The following SLC16A10 variants were observed in gnomAD, a reference collection of about 807,000 sequenced individuals.
The protein encoded by SLC16A10 is solute carrier family 16 member 10.
Under a neutral mutation model 40.0 loss-of-function variants are expected in SLC16A10, and 27 were observed. That is an observed-to-expected ratio of 0.67 (90% CI 0.50 to 0.93). The LOEUF (loss-of-function observed/expected upper bound fraction) is 0.93, where lower values mean the gene tolerates loss of function less well. Ranked by LOEUF, SLC16A10 falls within the 40% of genes least tolerant of loss-of-function variation. SLC16A10 has a pLI of 0.00. For missense variants in SLC16A10, 529 were observed against 658.2 expected (o/e 0.80, Z 2.15); for synonymous variants, 213 against 249.8 (o/e 0.85, Z 1.39).
intron 1 of SLC16A10, among the ~76,000 whole-genome samples, chr6:111,128,381 T>C (rs1771714735): frequency 6.6e-6 from 1 of 152,164 alleles, no homozygotes; most frequent in Non-Finnish European, 1.5e-5. Context: ...AACCTACACT[T>C]AACTCTACAC....
chr6:111,100,238 G>T (rs1217006287), intron 1 of SLC16A10, among the ~76,000 whole-genome samples: 3 of 152,126 alleles, frequency 2.0e-5, no homozygotes, highest in Non-Finnish European at 4.4e-5. Flanking sequence ...TGTAAATGAT[G>T]CTCAATAGAT....
chr6:111,204,891 T>C (rs1448896443), intron 3 of SLC16A10, among the ~76,000 whole-genome samples: 4 of 152,210 alleles, frequency 2.6e-5, no homozygotes, highest in African/African-American at 7.2e-5. Context: ...GTTTTACTTA[T>C]GTTATTTCGC....
At chr6:111,156,299 G>T (rs1294734470) in intron 1 of SLC16A10, among the ~76,000 whole-genome samples, 3 of 152,144 alleles carry the variant, frequency 2.0e-5, no homozygotes, top group African/African-American at 7.2e-5. Flanking sequence ...TGTAAGTGTG[G>T]GCTGCTTAGT....
chr6:111,166,040 G>A (rs968447371), intron 1 of SLC16A10, among the ~76,000 whole-genome samples: 1 of 152,130 alleles, frequency 6.6e-6, no homozygotes, highest in Admixed American at 6.5e-5. Flanking sequence ...GGCTTATGGG[G>A]TCCTAGGTCT....
At chr6:111,177,883 A>G (rs1583346264) in intron 3 of SLC16A10, among the ~76,000 whole-genome samples, 1 of 151,734 alleles carries the variant, frequency 6.6e-6, no homozygotes, top group African/African-American at 2.4e-5. Flanking sequence ...TATTTTAAAA[A>G]CCCTGCAAAC....
rs529278648 is a variant in SLC16A10 at position 111,149,800 on chromosome 6, C to G, written c.344-22895C>G. On this transcript the variant is annotated intron_variant, in intron 1 of 5. Coordinates refer to ENST00000368851, the MANE Select transcript of SLC16A10 (RefSeq NM_018593.5). ...CCTTATGGAAGATAAATATTTAACTCTTTTTGTGCTACTCCTTTTCTCATC... is the reference window on the plus strand; with the variant it reads ...CCTTATGGAAGATAAATATTTAACTGTTTTTGTGCTACTCCTTTTCTCATC... 6.6e-5 allele frequency among the ~76,000 whole-genome samples: 10 copies of G among 152,214 alleles called. No individual in the cohort carries two copies. In the South Asian group the frequency reaches 2.1e-3, roughly 32 times the overall value.
rs772778165 is a variant in SLC16A10, at chr6:111,229,181, ATAT to A, written c.*6949_*6951del. ...TTTCAAAATTATTTTTCTTTTAAAA[ATAT>A]TAATATACAACACAATAGAAAATGT... is the stretch of plus-strand genomic sequence containing the variant. On this transcript the variant is annotated 3_prime_UTR_variant, in exon 6 of 6. Coordinates refer to ENST00000368851, the MANE Select transcript of SLC16A10 (RefSeq NM_018593.5). The A allele has an allele frequency of 6.6e-6, 1 of 152,160 alleles. No homozygotes were observed. Among genetic ancestry groups the A allele is most frequent in the Non-Finnish European group, 1.5e-5 (1 of 68,040 alleles). 9.4% of individuals were successfully genotyped at this position (152,160 alleles called of 1,614,324 possible).
chr6:111,168,856 A>G (rs1342007065), intron 1 of SLC16A10, among the ~76,000 whole-genome samples: 3 of 152,322 alleles, frequency 2.0e-5, no homozygotes, highest in African/African-American at 7.2e-5. Flanking sequence ...ACTATGGGTC[A>G]GGAATAGCAT....
At chr6:111,098,706 A>G (rs1342704308) in intron 1 of SLC16A10, among the ~76,000 whole-genome samples, 1 of 152,168 alleles carries the variant, frequency 6.6e-6, no homozygotes, top group Non-Finnish European at 1.5e-5. Context: ...ATTAGTTTTG[A>G]CTTTATGTTG....
chr6:111,148,371 T>C (rs1375001840), intron 1 of SLC16A10, among the ~76,000 whole-genome samples: 1 of 152,234 alleles, frequency 6.6e-6, no homozygotes, highest in Non-Finnish European at 1.5e-5. Flanking sequence ...AACTTCTTGC[T>C]ATTCAATAGT....
chr6:111,133,918 A>G (rs142570493), intron 1 of SLC16A10, among the ~76,000 whole-genome samples: 17,464 of 152,244 alleles, frequency 0.11, 1,149 homozygotes, highest in Non-Finnish European at 0.13. Flanking sequence ...AAATAGACCT[A>G]GGTAAATTCT....
intron 4 of SLC16A10, among the ~76,000 whole-genome samples, chr6:111,211,561 G>T (rs1324522688): frequency 1.3e-5 from 2 of 152,216 alleles, no homozygotes; most frequent in African/African-American, 4.8e-5. Flanking sequence ...CTGAGTCACA[G>T]GTGTGACAGC....
In SLC16A10 at chr6:111,133,612, G is replaced by A. The variant is rs141185684; in HGVS notation, c.344-39083G>A. Among the ~76,000 whole-genome samples the A allele has an allele frequency of 3.5e-3, 527 of 152,282 alleles. 2 individuals carry two copies. The highest frequency in any genetic ancestry group is 8.8e-3 in the African/African-American group (367 of 41,550). ...AGGCAAATGGAGTGAAGTGCCATAT[G>A]TACAAACTTTCTTTTCATTAAGAGA... On this transcript the variant is annotated intron_variant, in intron 1 of 5. Transcript: ENST00000368851.
intron 1 of SLC16A10, among the ~76,000 whole-genome samples, chr6:111,110,540 G>A (rs1771367400): frequency 6.6e-6 from 1 of 152,084 alleles, no homozygotes; most frequent in South Asian, 2.1e-4. Flanking sequence ...AGAGAAGAAA[G>A]TAAGAATGGG....
At chr6:111,179,544 A>G (rs1439485580) in intron 3 of SLC16A10, among the ~76,000 whole-genome samples, 6 of 152,172 alleles carry the variant, frequency 3.9e-5, no homozygotes, top group Non-Finnish European at 8.8e-5. Flanking sequence ...TTATTAGGGG[A>G]AAAATGAGTA....
intron 1 of SLC16A10, among the ~76,000 whole-genome samples, chr6:111,115,396 A>G (rs1460170820): frequency 6.6e-6 from 1 of 152,166 alleles, no homozygotes; most frequent in Non-Finnish European, 1.5e-5. Context: ...TTGAGTAGAG[A>G]CAAGGTTTTG....
chr6:111,132,960 C>T (rs1485080606), intron 1 of SLC16A10, among the ~76,000 whole-genome samples: 2 of 152,174 alleles, frequency 1.3e-5, no homozygotes, highest in East Asian at 1.9e-4. Context: ...ATCAAAAAAA[C>T]TCAATCTCAA....
chr6:111,141,028 G>A (rs1771972955), intron 1 of SLC16A10, among the ~76,000 whole-genome samples: 1 of 152,060 alleles, frequency 6.6e-6, no homozygotes, highest in Non-Finnish European at 1.5e-5. Flanking sequence ...GGGGCTCAAG[G>A]GATCCTTTTG....
intron 1 of SLC16A10, among the ~76,000 whole-genome samples, chr6:111,088,495 T>C (rs1050498383): frequency 5.9e-5 from 9 of 152,136 alleles, no homozygotes; most frequent in Non-Finnish European, 1.0e-4. Context: ...CTATGCCAGT[T>C]ATGTAGTTCT....
Sources: gnomAD v4.1 joint callset for allele counts (sites outside exome capture counted in the v4.1 genomes callset) on GRCh38, gnomAD v4.1.1 for gene constraint, MANE v1.5 for transcripts, NCBI Gene and HGNC (gene_info 2026-07-23, HGNC 2026-07-21) for gene names.